WDR27: variants seen among roughly 807,000 people sequenced by gnomAD.
WDR27 encodes WD repeat domain 27.
In WDR27, 100 loss-of-function variants were observed where a neutral mutation model predicts 114.4. The observed-to-expected ratio is 0.87, with a 90% CI of 0.74 to 1.03. The LOEUF (loss-of-function observed/expected upper bound fraction) is 1.03, where lower values mean the gene tolerates loss of function less well. Ranked by LOEUF, WDR27 falls within the 50% of genes least tolerant of loss-of-function variation. The probability of loss-of-function intolerance (pLI) is 0.00; values close to 1 mark genes in which losing one functional copy is unlikely to be tolerated. For synonymous variants in WDR27, 449 were observed against 423.1 expected (o/e 1.06, Z -0.75); for missense variants, 1,129 against 1,092.9 (o/e 1.03, Z -0.47).
intron 25 of WDR27, among the ~76,000 whole-genome samples, chr6:169,565,733 G>C (rs1185028202): frequency 2.0e-5 from 3 of 152,194 alleles, no homozygotes; most frequent in Non-Finnish European, 4.4e-5. Flanking sequence ...GGAGTGCAGT[G>C]GTCCAATCCT....
chr6:169,436,532 TA>T, the WDR27 span, among the ~76,000 whole-genome samples: 1 of 152,046 alleles, frequency 6.6e-6, no homozygotes, highest in South Asian at 2.1e-4. Context: ...CACATGCTGT[TA>T]AAAAAATGAT....
chr6:169,648,789 G>A (rs897828884), intron 15 of WDR27, among the ~76,000 whole-genome samples: 4 of 152,216 alleles, frequency 2.6e-5, no homozygotes, highest in African/African-American at 4.8e-5. Flanking sequence ...AGTCAGAGCC[G>A]CAGCCAGTGT....
At chr6:169,674,860 G>A (rs1046839077) in intron 2 of WDR27, among the ~76,000 whole-genome samples, 2 of 152,130 alleles carry the variant, frequency 1.3e-5, no homozygotes, top group African/African-American at 4.8e-5. Flanking sequence ...AATGGGGTGG[G>A]GTTTTATAGG....
chr6:169,666,383 T>C (rs1827830392), intron 6 of WDR27: 2 of 985,038 alleles, frequency 2.0e-6, no homozygotes, highest in Non-Finnish European at 2.4e-6. Flanking sequence ...AAAGTATCTG[T>C]ATATGCTTTA....
chr6:169,483,130 GAAGC>G (rs1788422039), intron 25 of WDR27, among the ~76,000 whole-genome samples: 1 of 152,088 alleles, frequency 6.6e-6, no homozygotes, highest in Non-Finnish European at 1.5e-5. Context: ...AAGAACTAAA[GAAGC>G]AAGAGCAAAC....
chr6:169,480,139 C>A (rs1787762587), intron 25 of WDR27, among the ~76,000 whole-genome samples: 1 of 152,220 alleles, frequency 6.6e-6, no homozygotes, highest in African/African-American at 2.4e-5. Flanking sequence ...GAGCAGCCAG[C>A]CGGTGCCACC....
At chr6:169,442,615 T>TGTCTTCTCA in the WDR27 span, among the ~76,000 whole-genome samples, 1 of 152,232 alleles carries the variant, frequency 6.6e-6, no homozygotes, top group African/African-American at 2.4e-5. Context: ...TTCAAGAATT[T>TGTCTTCTCA]GTCTTCTCAT....
chr6:169,560,336 G>T (rs1799516337), intron 25 of WDR27, among the ~76,000 whole-genome samples: 1 of 152,196 alleles, frequency 6.6e-6, no homozygotes, highest in Admixed American at 6.5e-5. Context: ...GGAACCGCAA[G>T]TCAAATTAAA....
intron 1 of WDR27, among the ~76,000 whole-genome samples, chr6:169,689,555 C>T (rs1014729653): frequency 6.6e-6 from 1 of 152,228 alleles, no homozygotes; most frequent in African/African-American, 2.4e-5. Context: ...AGTTAAGCTA[C>T]CACAGGTTCT....
At chr6:169,634,291 G>A (rs369229311) in intron 20 of WDR27, 137 bp downstream of exon 20, 7 of 592,958 alleles carry the variant, frequency 1.2e-5, no homozygotes, top group African/African-American at 5.7e-5. Flanking sequence ...CAAGGATGGC[G>A]AGCTCCATGA....
intron 21 of WDR27, among the ~76,000 whole-genome samples, chr6:169,631,148 G>A (rs938548489): frequency 1.3e-5 from 2 of 152,088 alleles, no homozygotes; most frequent in African/African-American, 4.8e-5. Context: ...TTCACACTTC[G>A]TTTGTGAAGT....
At chr6:169,589,719 T>C (rs942293175) in intron 23 of WDR27, among the ~76,000 whole-genome samples, 3 of 152,176 alleles carry the variant, frequency 2.0e-5, no homozygotes, top group Non-Finnish European at 4.4e-5. Context: ...CACAGTGTCA[T>C]AAATACAGAA....
At chr6:169,552,202 C>G (rs150349790) in intron 25 of WDR27, among the ~76,000 whole-genome samples, 1 of 152,250 alleles carries the variant, frequency 6.6e-6, no homozygotes, top group East Asian at 1.9e-4. Context: ...GCAGCCCACC[C>G]CGACCACACA....
At chr6:169,480,761 G>A (rs1787917139) in intron 25 of WDR27, among the ~76,000 whole-genome samples, 1 of 151,818 alleles carries the variant, frequency 6.6e-6, no homozygotes, top group Non-Finnish European at 1.5e-5. Flanking sequence ...TGGGGACTTG[G>A]AGAACTTTTG....
At chr6:169,522,072 T>C (rs2128065877) in intron 25 of WDR27, among the ~76,000 whole-genome samples, 1 of 152,156 alleles carries the variant, frequency 6.6e-6, no homozygotes, top group Admixed American at 6.5e-5. Context: ...GACCCAACTA[T>C]ATGCTGCCCA....
intron 25 of WDR27, among the ~76,000 whole-genome samples, chr6:169,508,968 T>C (rs1792380201): frequency 6.6e-6 from 1 of 152,142 alleles, no homozygotes; most frequent in Admixed American, 6.6e-5. Context: ...GGTTTTATCG[T>C]TGTTGTTGAG....
At chr6:169,493,528 C>G (rs374445578) in intron 25 of WDR27, among the ~76,000 whole-genome samples, 5 of 152,116 alleles carry the variant, frequency 3.3e-5, no homozygotes, top group East Asian at 3.8e-4. Context: ...GACCCCAGAA[C>G]TACTTTTCTC....
At chr6:169,682,848 A>C (rs1024184906) in intron 2 of WDR27, among the ~76,000 whole-genome samples, 6 of 152,204 alleles carry the variant, frequency 3.9e-5, no homozygotes, top group Non-Finnish European at 7.3e-5. Context: ...TCAACTCAGA[A>C]ATCACCAAAG....
At chr6:169,448,354 T>TTCTC in the WDR27 span, among the ~76,000 whole-genome samples, 19 of 149,848 alleles carry the variant, frequency 1.3e-4, no homozygotes, top group African/African-American at 3.7e-4. Flanking sequence ...GTTGTTGATT[T>TTCTC]TCTCTCTCTC....
Sources: allele counts gnomAD v4.1 joint callset (sites outside exome capture counted in the v4.1 genomes callset), GRCh38; gene constraint gnomAD v4.1.1; transcripts MANE v1.5; gene names NCBI Gene and HGNC (gene_info 2026-07-23, HGNC 2026-07-21).